SLC44A5: variants seen among roughly 807,000 people sequenced by gnomAD.
SLC44A5 encodes the protein solute carrier family 44 member 5, also known as choline transporter-like protein 5.
SLC44A5 carries 57 observed loss-of-function variants against 101.8 expected under a neutral mutation model. The ratio of observed to expected loss-of-function variants is 0.56; its 90% CI spans 0.45 to 0.70. The LOEUF (loss-of-function observed/expected upper bound fraction) is 0.70. Among genes scored for constraint, SLC44A5 ranks in the 30% least tolerant of loss-of-function variants. The pLI, the probability that SLC44A5 is intolerant of heterozygous loss-of-function variation, is 0.00. For missense variants in SLC44A5, 737 were observed against 853.1 expected (o/e 0.86, Z 1.70); for synonymous variants, 281 against 290.9 (o/e 0.97, Z 0.35).
At chr1:75,329,695 A>C (rs1423433781) in intron 4 of SLC44A5, among the ~76,000 whole-genome samples, 1 of 152,120 alleles carries the variant, frequency 6.6e-6, no homozygotes, top group Non-Finnish European at 1.5e-5. Context: ...CTGAAATGAA[A>C]TTCCGCCAAT....
intron 23 of SLC44A5, among the ~76,000 whole-genome samples, chr1:75,208,796 C>G (rs1207481232): frequency 2.0e-5 from 3 of 152,132 alleles, no homozygotes; most frequent in Non-Finnish European, 4.4e-5. Context: ...TAATAAGCAT[C>G]TACAACTATT....
chr1:75,222,564 C>A, intron 13 of SLC44A5, 104 bp from the exon 14 acceptor site: 1 of 662,350 alleles, frequency 1.5e-6, no homozygotes, highest in Non-Finnish European at 2.7e-6. Context: ...TCTGCCAATT[C>A]TGACACCTCA....
intron 2 of SLC44A5, among the ~76,000 whole-genome samples, chr1:75,408,734 G>A (rs371875859): frequency 1.3e-5 from 2 of 152,210 alleles, no homozygotes; most frequent in African/African-American, 4.8e-5. Flanking sequence ...GGGAGGGATA[G>A]CATTAGGAGA....
At chr1:75,368,358 C>T (rs983655890) in intron 3 of SLC44A5, among the ~76,000 whole-genome samples, 4 of 152,274 alleles carry the variant, frequency 2.6e-5, no homozygotes, top group South Asian at 2.1e-4. Context: ...CTCTGCAAAA[C>T]GCATGAATAC....
the SLC44A5 span, among the ~76,000 whole-genome samples, chr1:75,633,475 T>G: frequency 6.6e-6 from 1 of 152,180 alleles, no homozygotes; most frequent in Non-Finnish European, 1.5e-5. Context: ...TTATTCTCTT[T>G]GAAGCAATTG....
the SLC44A5 span, among the ~76,000 whole-genome samples, chr1:75,622,302 T>C: frequency 1.3e-5 from 2 of 152,048 alleles, no homozygotes; most frequent in Non-Finnish European, 2.9e-5. Flanking sequence ...CCCATAACAC[T>C]ACTATTACTA....
chr1:75,404,996 A>C (rs1662750806), intron 2 of SLC44A5, among the ~76,000 whole-genome samples: 1 of 152,230 alleles, frequency 6.6e-6, no homozygotes, highest in Non-Finnish European at 1.5e-5. Context: ...AAAGGAATGG[A>C]GGAAGATTTA....
At chr1:75,613,147 C>T (rs948805238), upstream of SLC44A5, among the ~76,000 whole-genome samples, 5 of 152,214 alleles carry the variant, frequency 3.3e-5, no homozygotes, top group African/African-American at 4.8e-5. Flanking sequence ...CAAGATCCGA[C>T]GAATGATCTC....
intron 2 of SLC44A5, among the ~76,000 whole-genome samples, chr1:75,459,704 C>T (rs1043000431): frequency 2.0e-5 from 3 of 152,186 alleles, no homozygotes; most frequent in African/African-American, 7.2e-5. Context: ...TATCAGCACA[C>T]AATTATTAGA....
chr1:75,312,815 A>T (rs1051067266), intron 4 of SLC44A5, among the ~76,000 whole-genome samples: 1 of 151,976 alleles, frequency 6.6e-6, no homozygotes, highest in African/African-American at 2.4e-5. Context: ...AGGGGAGTTC[A>T]CTCGCAACAT....
At chr1:75,717,340 CA>C in the SLC44A5 span, among the ~76,000 whole-genome samples, 2,703 of 97,644 alleles carry the variant, frequency 0.028, 62 homozygotes, top group African/African-American at 0.082. Flanking sequence ...GACCCTGTCT[CA>C]AAAAAAAAAA....
At chr1:75,608,981 A>G (rs900279272) in intron 1 of SLC44A5, among the ~76,000 whole-genome samples, 3 of 151,844 alleles carry the variant, frequency 2.0e-5, no homozygotes, top group Non-Finnish European at 4.4e-5. Flanking sequence ...TTCCCTATGT[A>G]TAGTGTAAAC....
chr1:75,328,083 C>T (rs1656744978), intron 4 of SLC44A5, among the ~76,000 whole-genome samples: 1 of 152,206 alleles, frequency 6.6e-6, no homozygotes, highest in East Asian at 1.9e-4. Context: ...CAGAAACTAC[C>T]AGCTGCTTTC....
chr1:75,218,852 G>A, intron 16 of SLC44A5, 100 bp from the exon 17 acceptor site: 1 of 1,083,146 alleles, frequency 9.2e-7, no homozygotes, highest in Non-Finnish European at 1.3e-6. Context: ...ATATCCTGTT[G>A]TTTCTCTGTT....
At chr1:75,637,339 A>G in the SLC44A5 span, among the ~76,000 whole-genome samples, 1 of 152,004 alleles carries the variant, frequency 6.6e-6, no homozygotes, top group Admixed American at 6.6e-5. Context: ...CATAAAAAGA[A>G]ATGATCCTGA....
intron 2 of SLC44A5, among the ~76,000 whole-genome samples, chr1:75,448,340 T>G (rs1369439839): frequency 6.6e-6 from 1 of 152,162 alleles, no homozygotes; most frequent in East Asian, 1.9e-4. Context: ...GGGAAGGCAC[T>G]TAGAGTCCAG....
intron 3 of SLC44A5, among the ~76,000 whole-genome samples, chr1:75,377,799 TTTG>T (rs1660722586): frequency 1.4e-4 from 4 of 28,052 alleles, no homozygotes; most frequent in Non-Finnish European, 2.2e-4. Flanking sequence ...TGTTCACGTG[TTTG>T]TCTGCTGACC....
the SLC44A5 span, among the ~76,000 whole-genome samples, chr1:75,661,471 T>G: frequency 1.4e-5 from 2 of 142,282 alleles, no homozygotes; most frequent in Admixed American, 1.4e-4. Flanking sequence ...GGGTAAGACT[T>G]CAAAAGCACA....
chr1:75,339,318 C>T (rs556156189), intron 4 of SLC44A5, among the ~76,000 whole-genome samples: 51 of 151,022 alleles, frequency 3.4e-4, no homozygotes, highest in Admixed American at 9.8e-4. Context: ...TTTTTTTTCA[C>T]TTCTCTTTTT....
Sources: gnomAD v4.1 joint callset for allele counts (sites outside exome capture counted in the v4.1 genomes callset) on GRCh38, gnomAD v4.1.1 for gene constraint, MANE v1.5 for transcripts, NCBI Gene and HGNC (gene_info 2026-07-23, HGNC 2026-07-21) for gene names.